YIPF4: variants seen among roughly 807,000 people sequenced by gnomAD.
The protein encoded by YIPF4 is Yip1 domain family member 4, also known as protein YIPF4.
In YIPF4, 18 loss-of-function variants were observed where a neutral mutation model predicts 29.4. The ratio of observed to expected loss-of-function variants is 0.61; its 90% CI spans 0.42 to 0.91. The LOEUF (loss-of-function observed/expected upper bound fraction) is 0.91. Among genes scored for constraint, YIPF4 ranks in the 40% least tolerant of loss-of-function variants. The pLI is 0.00. For missense variants in YIPF4, 279 were observed against 282.7 expected (o/e 0.99, Z 0.09); for synonymous variants, 115 against 104.7 (o/e 1.10, Z -0.60).
chr2:32,309,146 G>T lies in YIPF4; in HGVS notation c.*3520G>T, dbSNP rs1043625353. 5 of 151,952 alleles carry T rather than the reference G, an allele frequency of 3.3e-5. No individual in the cohort carries two copies. Among genetic ancestry groups the T allele is most frequent in the Non-Finnish European group, 4.4e-5 (3 of 68,012 alleles). 9.4% of individuals were successfully genotyped at this position (151,952 alleles called of 1,614,324 possible). On this transcript the variant is annotated 3_prime_UTR_variant, in exon 6 of 6. Transcript: ENST00000238831. ...TTGTAAAACCTTATTTCTAAGGTCT[G>T]TAAGACAGTTTTATATGTAATAATG...
rs916379791 is a variant in YIPF4 at position 32,313,581 on chromosome 2, G to A, written c.*7955G>A. The A allele has an allele frequency of 1.3e-5, 2 of 152,040 alleles. No individual in the cohort carries two copies. The highest frequency in any genetic ancestry group is 2.9e-5 in the Non-Finnish European group (2 of 68,070). The allele number at this position is 152,040 out of a possible 1,614,324, so 9.4% of individuals were successfully genotyped here. ...CGGTTTCTCCATGTAGGCCAAGCGG[G>A]TCTTGAACTCCCAACCTCCGGTGAT... On this transcript the variant is annotated 3_prime_UTR_variant, in exon 6 of 6. Coordinates refer to ENST00000238831, the MANE Select transcript of YIPF4 (RefSeq NM_032312.4).
At chr2:32,292,628 C>T (rs1035697249) in intron 3 of YIPF4, among the ~76,000 whole-genome samples, 1 of 151,364 alleles carries the variant, frequency 6.6e-6, no homozygotes, top group Non-Finnish European at 1.5e-5. Flanking sequence ...TTTGGGAGGC[C>T]GAGGTGGGTG....
rs2031787545 is a variant in YIPF4, at chr2:32,314,693, AG to A, written c.*9069del. The A allele has an allele frequency of 6.6e-6, 1 of 152,184 alleles. No individual in the cohort carries two copies. Among genetic ancestry groups the A allele is most frequent in the African/African-American group, 2.4e-5 (1 of 41,426 alleles). The allele number at this position is 152,184 out of a possible 1,614,324, so 9.4% of individuals were successfully genotyped here. A position where few individuals can be genotyped will look rare whatever the true frequency, so the allele number is the denominator to read the frequency against. ...CGTCTCAAAAAAAAATAAAAAAATA[AG>A]GCTCCAAGCGCTGTTGTGAGGGTTA... is the stretch of plus-strand genomic sequence containing the variant. On this transcript the variant is annotated 3_prime_UTR_variant, in exon 6 of 6. Coordinates refer to ENST00000238831, the MANE Select transcript of YIPF4 (RefSeq NM_032312.4).
At chr2:32,285,399 C>G (rs1314501380) in intron 1 of YIPF4, among the ~76,000 whole-genome samples, 1 of 152,086 alleles carries the variant, frequency 6.6e-6, no homozygotes, top group Non-Finnish European at 1.5e-5. Context: ...GAGGACTGGA[C>G]TCAATATATT....
At position 32,296,470 on chromosome 2, in the gene YIPF4, C is replaced by CA. The variant is rs1217407449; in HGVS notation, c.406-1750dup. Among the ~76,000 whole-genome samples, 659 of 87,670 alleles carry CA rather than the reference C, an allele frequency of 7.5e-3. 2 individuals carry two copies. Among genetic ancestry groups the CA allele is most frequent in the African/African-American group, 0.012 (287 of 23,100 alleles). The allele number at this position is 87,670 out of a possible 152,430, so 57.5% of individuals were successfully genotyped here. A position where few individuals can be genotyped will look rare whatever the true frequency, so the allele number is the denominator to read the frequency against. On this transcript the variant is annotated intron_variant, in intron 3 of 5. Coordinates refer to ENST00000238831, the MANE Select transcript of YIPF4 (RefSeq NM_032312.4). ...TGGGTGACAGAGCAAGACTCAGTCT[C>CA]AAAAAAAAAAAAAAGGAAAAAAAAC...
At chr2:32,299,956 A>G (rs969390122) in intron 4 of YIPF4, among the ~76,000 whole-genome samples, 2 of 150,950 alleles carry the variant, frequency 1.3e-5, no homozygotes, top group Non-Finnish European at 2.9e-5. Context: ...AGTGTGGTGA[A>G]ACCCCGTCTC....
Position 32,278,114 on chromosome 2 carries a change from C to A in YIPF4, c.-42C>A. On this transcript the variant is annotated 5_prime_UTR_variant, in exon 1 of 6. Coordinates refer to ENST00000238831, the MANE Select transcript of YIPF4 (RefSeq NM_032312.4). ...CGGCCGCCTCGGGGTCTGGGCCCAG[C>A]CGCAGCCTCTTCTACCGCGGCCGGT... is the stretch of plus-strand genomic sequence containing the variant. 6.5e-7 allele frequency: 1 copy of A among 1,531,218 alleles called. No homozygotes were observed. Among genetic ancestry groups the A allele is most frequent in the Non-Finnish European group, 8.8e-7 (1 of 1,136,540 alleles). The allele number at this position is 1,531,218 out of a possible 1,614,324, so 94.9% of individuals were successfully genotyped here. A position where few individuals can be genotyped will look rare whatever the true frequency, so the allele number is the denominator to read the frequency against.
Position 32,310,841 on chromosome 2 carries a change from A to G in YIPF4, c.*5215A>G, listed in dbSNP as rs2031703694. 1 of 152,230 alleles carries G rather than the reference A, an allele frequency of 6.6e-6. No individual in the cohort carries two copies. Among genetic ancestry groups the G allele is most frequent in the Non-Finnish European group, 1.5e-5 (1 of 68,082 alleles). The allele number at this position is 152,230 out of a possible 1,614,324, so 9.4% of individuals were successfully genotyped here. A position where few individuals can be genotyped will look rare whatever the true frequency, so the allele number is the denominator to read the frequency against. On this transcript the variant is annotated 3_prime_UTR_variant, in exon 6 of 6. Coordinates refer to ENST00000238831, the MANE Select transcript of YIPF4 (RefSeq NM_032312.4). ...CAGTGAGCCGCGATCACACCACTGC[A>G]TGCCAGCCTGGGCGACAGAGTGAGA...
intron 3 of YIPF4, among the ~76,000 whole-genome samples, chr2:32,294,624 G>T (rs1215902071): frequency 1.3e-4 from 20 of 150,496 alleles, no homozygotes; most frequent in Admixed American, 1.3e-3. Flanking sequence ...CCCAGACGAT[G>T]GGCGGCCAGG....
intron 1 of YIPF4, among the ~76,000 whole-genome samples, chr2:32,283,502 C>T (rs999453438): frequency 6.6e-6 from 1 of 152,144 alleles, no homozygotes; most frequent in African/African-American, 2.4e-5. Context: ...AGATTCTGAT[C>T]ATCATGCTTA....
At position 32,278,212 on chromosome 2, in the gene YIPF4, T is replaced by A; in HGVS notation, c.57T>A (p.Phe19Leu). 6.4e-7 allele frequency: 1 copy of A among 1,570,834 alleles called. No individual in the cohort carries two copies. The highest frequency in any genetic ancestry group is 8.6e-7 in the Non-Finnish European group (1 of 1,158,538). The change falls in exon 1 of 6, where the codon TTT (phenylalanine) becomes TTA (leucine). Residue 19 changes from phenylalanine (F) to leucine (L), a missense_variant. Physicochemically the swap from Phe to Leu is conservative, Grantham distance 22. Transcript: ENST00000238831. ...CCCCCACTAACGGGGACTTCACCTT[T>A]GTCTCCTCAGCAGACGCGGAAGGTG... is the stretch of plus-strand genomic sequence containing the variant. ...AYAPTNGDFT[F>L]VSSADAEDLS...
In YIPF4 at chr2:32,310,329, C is replaced by G. The variant is rs1158387596; in HGVS notation, c.*4703C>G. 2.0e-5 allele frequency: 3 copies of G among 151,988 alleles called. No individual in the cohort carries two copies. The highest frequency in any genetic ancestry group is 7.3e-5 in the African/African-American group (3 of 41,362). The allele number at this position is 151,988 out of a possible 1,614,324, so 9.4% of individuals were successfully genotyped here. On this transcript the variant is annotated 3_prime_UTR_variant, in exon 6 of 6. Coordinates refer to ENST00000238831, the MANE Select transcript of YIPF4 (RefSeq NM_032312.4). ...TGGGCAAGATAGCGAGATCCTGCCT[C>G]TGAAAAAATCATAATAATACTTTAA...
In YIPF4 at chr2:32,316,018, C is replaced by CA. The variant is rs2031823385; in HGVS notation, c.*10397dup. On this transcript the variant is annotated 3_prime_UTR_variant, in exon 6 of 6. Transcript: ENST00000238831. ...CAATATAGCGAGACCCCGTTCTCCC[C>CA]AAAAAGGAAAAAAAAAAAAAAACCA... 2.6e-5 allele frequency: 2 copies of CA among 76,288 alleles called. No individual in the cohort carries two copies. The highest frequency in any genetic ancestry group is 1.5e-4 in the Admixed American group (1 of 6,606). 4.7% of individuals were successfully genotyped at this position (76,288 alleles called of 1,614,324 possible). A position where few individuals can be genotyped will look rare whatever the true frequency, so the allele number is the denominator to read the frequency against.
At chr2:32,279,412 T>TTC in intron 1 of YIPF4, among the ~76,000 whole-genome samples, 1 of 146,148 alleles carries the variant, frequency 6.8e-6, no homozygotes, top group Non-Finnish European at 1.5e-5. Context: ...TTTTTTTTTT[T>TTC]TTTGAGACTG....
In YIPF4 at chr2:32,305,699, T is replaced by G. The variant is rs773624842; in HGVS notation, c.*73T>G. 8 of 1,341,350 alleles carry G rather than the reference T, an allele frequency of 6.0e-6. No homozygotes were observed. The highest frequency in any genetic ancestry group is 7.7e-6 in the Non-Finnish European group (8 of 1,042,916). 83.1% of individuals were successfully genotyped at this position (1,341,350 alleles called of 1,614,324 possible). On this transcript the variant is annotated 3_prime_UTR_variant, in exon 6 of 6. Coordinates refer to ENST00000238831, the MANE Select transcript of YIPF4 (RefSeq NM_032312.4). The stretch of plus-strand genomic sequence containing the variant: ...GGCTGGGAATTCTTGCTGAAGGAAT[T>G]GGAGAAAACCTGTTGCTGCAAAATT...
intron 5 of YIPF4, among the ~76,000 whole-genome samples, chr2:32,304,002 G>A (rs1260595487): frequency 6.6e-6 from 1 of 152,122 alleles, no homozygotes; most frequent in Admixed American, 6.5e-5. Context: ...TTATCTTAAA[G>A]TTGGACCTAA....
rs59398369 is a variant in YIPF4, at chr2:32,297,249, G to A, written c.406-985G>A. 5.3e-5 allele frequency among the ~76,000 whole-genome samples: 8 copies of A among 151,588 alleles called. No homozygotes were observed. In the East Asian group the frequency reaches 1.4e-3, roughly 26 times the overall value. On this transcript the variant is annotated intron_variant, in intron 3 of 5. Transcript: ENST00000238831. ...AAGCGATTCTCCAGCCTCAGCCTCCGGAATAGCTGGGATTACAGGCATGTG... is the reference window on the plus strand; with the variant it reads ...AAGCGATTCTCCAGCCTCAGCCTCCAGAATAGCTGGGATTACAGGCATGTG...
chr2:32,300,701 G>T (rs72865574), intron 4 of YIPF4, among the ~76,000 whole-genome samples: 5,917 of 152,170 alleles, frequency 0.039, 251 homozygotes, highest in African/African-American at 0.11. Context: ...ATCATTACGT[G>T]TTTTGGTAAT....
intron 1 of YIPF4, among the ~76,000 whole-genome samples, chr2:32,289,665 G>A (rs754987525): frequency 6.6e-6 from 1 of 152,004 alleles, no homozygotes; most frequent in Non-Finnish European, 1.5e-5. Context: ...TTTTTAACTA[G>A]CAAAGATGGC....
Sources: allele counts gnomAD v4.1 joint callset (sites outside exome capture counted in the v4.1 genomes callset), GRCh38; gene constraint gnomAD v4.1.1; transcripts MANE v1.5; gene names NCBI Gene and HGNC (gene_info 2026-07-23, HGNC 2026-07-21).